Variants in FAM20C observed in about 807,000 individuals in gnomAD.
FAM20C encodes extracellular serine/threonine protein kinase FAM20C.
FAM20C carries 40 observed loss-of-function variants against 51.5 expected under a neutral mutation model. The ratio of observed to expected loss-of-function variants is 0.78; its 90% CI spans 0.60 to 1.01. The LOEUF (loss-of-function observed/expected upper bound fraction) is 1.01, where lower values mean the gene tolerates loss of function less well. Ranked by LOEUF, FAM20C falls within the 50% of genes least tolerant of loss-of-function variation. FAM20C has a pLI of 0.00. For missense variants in FAM20C, 861 were observed against 844.7 expected (o/e 1.02, Z -0.24); for synonymous variants, 406 against 380.6 (o/e 1.07, Z -0.78).
At position 244,755 on chromosome 7, in the gene FAM20C, A is replaced by G. The variant is rs987474563; in HGVS notation, c.864-1660A>G. On this transcript the variant is annotated intron_variant, in intron 3 of 9. Coordinates refer to ENST00000313766, the MANE Select transcript of FAM20C (RefSeq NM_020223.4). Reference sequence around the variant, plus strand: ...ATTTTATTTTTAAGTAGCTCCTGGAATCCTCATCTGGCCTTGCGCCTACCC... The same window carrying G: ...ATTTTATTTTTAAGTAGCTCCTGGAGTCCTCATCTGGCCTTGCGCCTACCC... Among the ~76,000 whole-genome samples the G allele has an allele frequency of 7.2e-5, 11 of 152,228 alleles. No individual in the cohort carries two copies. In the East Asian group the frequency reaches 1.9e-3, roughly 27 times the overall value.
chr7:200,408 T>C (rs1786075329), intron 2 of FAM20C, among the ~76,000 whole-genome samples: 1 of 152,216 alleles, frequency 6.6e-6, no homozygotes, highest in East Asian at 1.9e-4. Flanking sequence ...AAGTGGAGCC[T>C]GGAGGAGGCG....
rs759042509 is a variant in FAM20C at position 193,355 on chromosome 7, C to A, written c.156C>A (p.Ala52=). Residue 52 remains alanine (A), a synonymous_variant, in exon 1 of 10, where the codon GCC becomes GCA. Coordinates refer to ENST00000313766, the MANE Select transcript of FAM20C (RefSeq NM_020223.4). ...GEPGCSCAQP[A]AEVAAPGWAQ... Reference sequence around the variant, plus strand: ...CCGGCTGTTCGTGCGCGCAGCCCGCCGCCGAGGTGGCCGCGCCCGGCTGGG... The same window carrying A: ...CCGGCTGTTCGTGCGCGCAGCCCGCAGCCGAGGTGGCCGCGCCCGGCTGGG... The A allele has an allele frequency of 1.6e-6, 2 of 1,268,346 alleles. No individual in the cohort carries two copies. Among genetic ancestry groups the A allele is most frequent in the South Asian group, 5.0e-5 (2 of 40,072 alleles). The allele number at this position is 1,268,346 out of a possible 1,614,324, so 78.6% of individuals were successfully genotyped here. A position where few individuals can be genotyped will look rare whatever the true frequency, so the allele number is the denominator to read the frequency against.
chr7:246,376 C>T (rs762721704), intron 3 of FAM20C, 39 bp from the exon 4 acceptor site: 5 of 1,511,208 alleles, frequency 3.3e-6, no homozygotes, highest in Non-Finnish European at 4.4e-6. Flanking sequence ...GAGGCTTTCT[C>T]AGTGACAAAC....
chr7:226,295 TGGAGAAGACCGGCTA>T (rs149983146), intron 3 of FAM20C, among the ~76,000 whole-genome samples: 1,652 of 152,200 alleles, frequency 0.011, 35 homozygotes, highest in African/African-American at 0.038. Context: ...TCTGAGTCCC[TGGAGAAGACCGGCTA>T]GGAGGGGCCC....
intron 2 of FAM20C, among the ~76,000 whole-genome samples, chr7:198,305 G>A (rs1785975867): frequency 6.6e-6 from 1 of 152,186 alleles, no homozygotes; most frequent in East Asian, 1.9e-4. Flanking sequence ...TAGCCAGAGT[G>A]GAAGTGGGCA....
intron 5 of FAM20C, among the ~76,000 whole-genome samples, chr7:254,892 G>C (rs1788530070): frequency 6.6e-6 from 1 of 152,130 alleles, no homozygotes; most frequent in Non-Finnish European, 1.5e-5. Context: ...CGGAGCACAG[G>C]GTTCTCGGGT....
intron 4 of FAM20C, 108 bp from the exon 5 acceptor site, chr7:248,207 C>T (rs557906175): frequency 3.3e-5 from 25 of 753,892 alleles, no homozygotes; most frequent in South Asian, 2.8e-4. Flanking sequence ...CCCGCTGAGC[C>T]GCACAGAGCA....
intron 3 of FAM20C, among the ~76,000 whole-genome samples, chr7:241,493 G>A (rs1787944758): frequency 6.6e-6 from 1 of 152,136 alleles, no homozygotes; most frequent in Admixed American, 6.5e-5. Context: ...GGGAAAGATC[G>A]ATGGAGCCGG....
intron 2 of FAM20C, among the ~76,000 whole-genome samples, chr7:205,831 C>T (rs980205331): frequency 1.3e-5 from 2 of 152,130 alleles, no homozygotes; most frequent in Non-Finnish European, 1.5e-5. Flanking sequence ...CACGGCACCC[C>T]CAGGCCCCCC....
At chr7:254,986 T>C (rs1353585295) in intron 5 of FAM20C, among the ~76,000 whole-genome samples, 3 of 152,260 alleles carry the variant, frequency 2.0e-5, no homozygotes, top group African/African-American at 7.2e-5. Context: ...GCGTGTCCAC[T>C]CCTCTCTTGA....
At chr7:201,725 A>G (rs1274169419) in intron 2 of FAM20C, among the ~76,000 whole-genome samples, 1 of 152,252 alleles carries the variant, frequency 6.6e-6, no homozygotes, top group African/African-American at 2.4e-5. Flanking sequence ...AAGAAATGCC[A>G]GCATCTCTTG....
intron 3 of FAM20C, among the ~76,000 whole-genome samples, chr7:213,991 A>G (rs918706466): frequency 2.6e-5 from 4 of 152,088 alleles, no homozygotes; most frequent in Non-Finnish European, 5.9e-5. Flanking sequence ...AGCTTTTGCC[A>G]TTTTGTTCAG....
chr7:257,157 A>G, intron 8 of FAM20C, 71 bp downstream of exon 8: 3 of 1,414,800 alleles, frequency 2.1e-6, no homozygotes, highest in Non-Finnish European at 2.9e-6. Flanking sequence ...AGCCCACCTG[A>G]GACCCTGGGG....
intron 2 of FAM20C, among the ~76,000 whole-genome samples, chr7:207,721 C>T (rs565366686): frequency 6.6e-6 from 1 of 152,378 alleles, no homozygotes; most frequent in East Asian, 1.9e-4. Context: ...AGACAATCCC[C>T]CGCGTGGCCC....
At position 205,995 on chromosome 7, in the gene FAM20C, C is replaced by T. The variant is rs1033517149; in HGVS notation, c.785-2903C>T. Among the ~76,000 whole-genome samples the T allele has an allele frequency of 3.9e-5, 6 of 152,104 alleles. No homozygotes were observed. The South Asian group carries it at 6.2e-4, about 16-fold the overall frequency. On this transcript the variant is annotated intron_variant, in intron 2 of 9. Coordinates refer to ENST00000313766, the MANE Select transcript of FAM20C (RefSeq NM_020223.4). ...CCATCTGCAGGCAGCTCCCCCATCCCGCCATCTCCTGCAGGGCTGGGCCCT... is the reference window on the plus strand; with the variant it reads ...CCATCTGCAGGCAGCTCCCCCATCCTGCCATCTCCTGCAGGGCTGGGCCCT...
intron 5 of FAM20C, among the ~76,000 whole-genome samples, chr7:254,480 A>T (rs763591717): frequency 8.5e-5 from 13 of 152,266 alleles, no homozygotes; most frequent in Non-Finnish European, 1.8e-4. Flanking sequence ...ACTAGATTTA[A>T]TCAGCAAATA....
At chr7:248,501 A>C in intron 5 of FAM20C, 71 bp downstream of exon 5, 1 of 1,229,210 alleles carries the variant, frequency 8.1e-7, no homozygotes, top group Non-Finnish European at 1.1e-6. Flanking sequence ...TCATCTCTCC[A>C]GGTAGCCTGG....
At chr7:220,326 G>T (rs55712175) in intron 3 of FAM20C, among the ~76,000 whole-genome samples, 347 of 152,192 alleles carry the variant, frequency 2.3e-3, no homozygotes, top group African/African-American at 8.0e-3. Context: ...CAGCAGAGTC[G>T]CTGGGCCCAC....
chr7:219,062 G>T (rs1227880774), intron 3 of FAM20C, among the ~76,000 whole-genome samples: 1 of 152,192 alleles, frequency 6.6e-6, no homozygotes, highest in Non-Finnish European at 1.5e-5. Flanking sequence ...GCTCCCCACC[G>T]CACAGAGGCT....
Sources: gnomAD v4.1 joint callset for allele counts (sites outside exome capture counted in the v4.1 genomes callset) on GRCh38, gnomAD v4.1.1 for gene constraint, MANE v1.5 for transcripts, NCBI Gene and HGNC (gene_info 2026-07-23, HGNC 2026-07-21) for gene names.